Variants in ZMIZ1 observed in about 807,000 individuals in gnomAD.
ZMIZ1 encodes the protein zinc finger MIZ-type containing 1.
ZMIZ1 carries 17 observed loss-of-function variants against 113.9 expected under a neutral mutation model. The observed-to-expected ratio is 0.15, with a 90% CI of 0.10 to 0.22. The LOEUF (loss-of-function observed/expected upper bound fraction) is 0.22. Ranked by LOEUF, ZMIZ1 falls within the 10% of genes least tolerant of loss-of-function variation. The probability of loss-of-function intolerance (pLI) is 1.00; values close to 1 mark genes in which losing one functional copy is unlikely to be tolerated. For synonymous variants in ZMIZ1, 607 were observed against 603.1 expected (o/e 1.01, Z -0.09); for missense variants, 1,059 against 1,477.8 (o/e 0.72, Z 4.65).
intron 1 of ZMIZ1, among the ~76,000 whole-genome samples, chr10:79,094,278 C>G (rs983980092): frequency 1.4e-4 from 21 of 152,216 alleles, no homozygotes; most frequent in African/African-American, 5.1e-4. Context: ...GCAGAGCCCA[C>G]GGGCGACTCA....
chr10:79,078,465 A>C (rs1589246704), intron 1 of ZMIZ1, among the ~76,000 whole-genome samples: 2 of 146,234 alleles, frequency 1.4e-5, no homozygotes, highest in South Asian at 2.2e-4. Context: ...GAGCACCCCC[A>C]CCCCCAAGAA....
At chr10:79,274,853 G>T (rs1852170154) in intron 7 of ZMIZ1, among the ~76,000 whole-genome samples, 2 of 152,218 alleles carry the variant, frequency 1.3e-5, no homozygotes. Context: ...GCTGTCCTTG[G>T]CTGAGCAGGG....
At chr10:79,223,190 T>C (rs1849052872) in intron 7 of ZMIZ1, among the ~76,000 whole-genome samples, 1 of 152,230 alleles carries the variant, frequency 6.6e-6, no homozygotes, top group African/African-American at 2.4e-5. Flanking sequence ...GCTGTCTCTC[T>C]AAGACAAAGC....
At chr10:79,085,449 C>T (rs993307078) in intron 1 of ZMIZ1, among the ~76,000 whole-genome samples, 9 of 152,218 alleles carry the variant, frequency 5.9e-5, no homozygotes, top group African/African-American at 7.2e-5. Context: ...GCCCGCATAA[C>T]GCCCCACCCT....
intron 4 of ZMIZ1, among the ~76,000 whole-genome samples, chr10:79,168,411 C>T (rs1846455693): frequency 6.6e-6 from 1 of 152,108 alleles, no homozygotes; most frequent in African/African-American, 2.4e-5. Context: ...GTCTCTGTTC[C>T]TCCAAGCCAG....
intron 1 of ZMIZ1, among the ~76,000 whole-genome samples, chr10:79,115,437 CA>C: frequency 6.6e-6 from 1 of 152,296 alleles, no homozygotes; most frequent in South Asian, 2.1e-4. Context: ...AGGAAGGTGA[CA>C]GGTGCTGTGG....
At position 79,312,869 on chromosome 10, in the gene ZMIZ1, G is replaced by C. The variant is rs1196703053; in HGVS notation, c.*120G>C. ...CCCGCACCAGAGCCACGGGCTGTGG[G>C]GCGGGGAGCCCTCCCCCGCTGCAGC... On this transcript the variant is annotated 3_prime_UTR_variant, in exon 25 of 25. Transcript: ENST00000334512. The C allele has an allele frequency of 1.1e-6, 1 of 908,932 alleles. No individual in the cohort carries two copies. Among genetic ancestry groups the C allele is most frequent in the Non-Finnish European group, 1.7e-6 (1 of 595,234 alleles). 56.3% of individuals were successfully genotyped at this position (908,932 alleles called of 1,614,324 possible). A position where few individuals can be genotyped will look rare whatever the true frequency, so the allele number is the denominator to read the frequency against.
chr10:79,224,644 CT>C (rs1424516298), intron 7 of ZMIZ1, among the ~76,000 whole-genome samples: 1 of 152,244 alleles, frequency 6.6e-6, no homozygotes, highest in African/African-American at 2.4e-5. Context: ...AGCCCACCCC[CT>C]ATGCCGCCCC....
intron 1 of ZMIZ1, among the ~76,000 whole-genome samples, chr10:79,108,955 G>A (rs766309065): frequency 4.6e-5 from 7 of 152,040 alleles, no homozygotes; most frequent in Admixed American, 6.5e-5. Context: ...CCAGGCCCAC[G>A]TGCTCTGTGT....
In ZMIZ1 at chr10:79,288,283, C is replaced by T. The variant is rs186861573; in HGVS notation, c.426-1492C>T. 4.9e-3 allele frequency among the ~76,000 whole-genome samples: 752 copies of T among 152,346 alleles called. 5 individuals carry two copies. The highest frequency in any genetic ancestry group is 0.013 in the African/African-American group (557 of 41,584). On this transcript the variant is annotated intron_variant, in intron 8 of 24. Coordinates refer to ENST00000334512, the MANE Select transcript of ZMIZ1 (RefSeq NM_020338.4). ...CCTCCGCCTCCCTCTGGGAAGTCCT[C>T]ACCTCTGGGCTGGGCTCCTTGCATC...
At chr10:79,253,097 G>A (rs1439223053) in intron 7 of ZMIZ1, among the ~76,000 whole-genome samples, 1 of 152,222 alleles carries the variant, frequency 6.6e-6, no homozygotes, top group Non-Finnish European at 1.5e-5. Flanking sequence ...GGCAGTGGGT[G>A]TGCGGGGCCG....
chr10:79,087,070 G>C (rs961497570), intron 1 of ZMIZ1, among the ~76,000 whole-genome samples: 9 of 152,232 alleles, frequency 5.9e-5, no homozygotes, highest in Non-Finnish European at 1.3e-4. Context: ...GATTTTATCT[G>C]CCTTTCCTAC....
intron 1 of ZMIZ1, among the ~76,000 whole-genome samples, chr10:79,111,125 C>T (rs886387690): frequency 2.0e-5 from 3 of 152,220 alleles, no homozygotes; most frequent in Admixed American, 6.5e-5. Context: ...GCTTCCCAGT[C>T]TGTGCCCAAC....
intron 12 of ZMIZ1, 86 bp downstream of exon 12, chr10:79,293,739 G>A: frequency 3.1e-6 from 5 of 1,596,914 alleles, no homozygotes; most frequent in Non-Finnish European, 3.4e-6. Context: ...TTTGGAAGGG[G>A]TGTGGCTTGG....
chr10:79,302,235 G>A (rs372946028), intron 18 of ZMIZ1, 23 bp downstream of exon 18: 8 of 1,605,554 alleles, frequency 5.0e-6, no homozygotes, highest in African/African-American at 1.3e-5. Context: ...GGGGACGGGG[G>A]TGAGGGCCAG....
intron 4 of ZMIZ1, among the ~76,000 whole-genome samples, chr10:79,183,293 TGGAG>T (rs1239353465): frequency 6.6e-6 from 1 of 152,138 alleles, no homozygotes; most frequent in Non-Finnish European, 1.5e-5. Context: ...TCTGTTTTCT[TGGAG>T]GGTTATAAAT....
intron 3 of ZMIZ1, among the ~76,000 whole-genome samples, chr10:79,157,941 A>G (rs1474891713): frequency 6.6e-6 from 1 of 151,794 alleles, no homozygotes; most frequent in Non-Finnish European, 1.5e-5. Flanking sequence ...TGTTTGGCAC[A>G]TCTGTAAAAT....
intron 7 of ZMIZ1, among the ~76,000 whole-genome samples, chr10:79,243,990 C>G (rs771841714): frequency 6.6e-6 from 1 of 152,250 alleles, no homozygotes; most frequent in Non-Finnish European, 1.5e-5. Context: ...GCAGAGTGCG[C>G]CCCCACCCAG....
intron 4 of ZMIZ1, among the ~76,000 whole-genome samples, chr10:79,176,644 G>A (rs1202065904): frequency 6.7e-6 from 1 of 150,096 alleles, no homozygotes; most frequent in Non-Finnish European, 1.5e-5. Context: ...GATAGGAGGG[G>A]CTGGCAAGGA....
Sources: allele counts gnomAD v4.1 joint callset (sites outside exome capture counted in the v4.1 genomes callset), GRCh38; gene constraint gnomAD v4.1.1; transcripts MANE v1.5; gene names NCBI Gene and HGNC (gene_info 2026-07-23, HGNC 2026-07-21).